Variants in LRP2 observed in about 807,000 individuals in gnomAD.
LRP2 encodes low-density lipoprotein receptor-related protein 2.
LRP2 carries 172 observed loss-of-function variants against 531.0 expected under a neutral mutation model. The observed-to-expected ratio is 0.32, with a 90% CI of 0.29 to 0.37. The LOEUF (loss-of-function observed/expected upper bound fraction) is 0.37. Among genes scored for constraint, LRP2 ranks in the 10% least tolerant of loss-of-function variants. LRP2 has a pLI of 1.00. For missense variants in LRP2, 5,167 were observed against 5,868.3 expected, an observed-to-expected ratio of 0.88 and a Z score of 3.90; for synonymous variants, 1,992 against 2,027.6, an observed-to-expected ratio of 0.98 and a Z score of 0.47.
chr2:169,271,650 C>T lies in LRP2; in HGVS notation c.2117-543G>A, dbSNP rs1011587861. The T allele has an allele frequency of 7.9e-5, 32 of 406,098 alleles. 1 individual carries two copies. In the South Asian group the frequency reaches 3.1e-3, roughly 40 times the overall value. 25.2% of individuals were successfully genotyped at this position (406,098 alleles called of 1,614,324 possible). On this transcript the variant is annotated intron_variant, in intron 15 of 78. Coordinates refer to ENST00000649046, the MANE Select transcript of LRP2 (RefSeq NM_004525.3). Reference sequence around the variant, plus strand: ...ACACACACACACACACACACACACACACACAGAAACCTTTCTCACCTGTGC... The same window carrying T: ...ACACACACACACACACACACACACATACACAGAAACCTTTCTCACCTGTGC...
intron 9 of LRP2, among the ~76,000 whole-genome samples, chr2:169,285,259 G>T (rs977985184): frequency 5.3e-5 from 8 of 151,596 alleles, no homozygotes; most frequent in Admixed American, 2.6e-4. Context: ...TAATGCCACT[G>T]CACTCCAGCC....
intron 33 of LRP2, among the ~76,000 whole-genome samples, chr2:169,222,804 T>A (rs1689066045): frequency 6.6e-6 from 1 of 152,208 alleles, no homozygotes; most frequent in South Asian, 2.1e-4. Flanking sequence ...CTCAGGCCAC[T>A]GCAGGTAACT....
chr2:169,303,746 A>G (rs1249739063), intron 4 of LRP2, among the ~76,000 whole-genome samples: 1 of 152,104 alleles, frequency 6.6e-6, no homozygotes, highest in Non-Finnish European at 1.5e-5. Context: ...AGAGGGAAAT[A>G]GGAAAGAATG....
intron 61 of LRP2, among the ~76,000 whole-genome samples, chr2:169,168,196 G>A (rs1034525601): frequency 1.3e-5 from 2 of 151,348 alleles, no homozygotes; most frequent in African/African-American, 4.9e-5. Flanking sequence ...ACCCAAAGTA[G>A]GATACAGCAG....
intron 1 of LRP2, among the ~76,000 whole-genome samples, chr2:169,347,912 C>T (rs1330011404): frequency 6.6e-6 from 1 of 152,138 alleles, no homozygotes; most frequent in African/African-American, 2.4e-5. Context: ...GAAATGAGGT[C>T]ATCTGATCAT....
At chr2:169,176,052 C>T (rs1013912037) in intron 54 of LRP2, among the ~76,000 whole-genome samples, 5 of 152,082 alleles carry the variant, frequency 3.3e-5, no homozygotes, top group Admixed American at 2.0e-4. Context: ...GGAGCTAGGC[C>T]GGCATAGACA....
At chr2:169,202,578 C>A (rs1310316538) in intron 43 of LRP2, among the ~76,000 whole-genome samples, 178 bp downstream of exon 43, 1 of 152,192 alleles carries the variant, frequency 6.6e-6, no homozygotes, top group African/African-American at 2.4e-5. Context: ...GTGCTCTTAA[C>A]CACTACAGAG....
intron 35 of LRP2, among the ~76,000 whole-genome samples, chr2:169,214,083 A>G (rs1688693853): frequency 6.6e-6 from 1 of 152,152 alleles, no homozygotes; most frequent in African/African-American, 2.4e-5. Context: ...TTGATAATGA[A>G]GACGGAGCTC....
intron 33 of LRP2, 79 bp downstream of exon 33, chr2:169,225,231 C>T (rs920251671): frequency 2.4e-5 from 35 of 1,445,146 alleles, no homozygotes; most frequent in South Asian, 4.6e-5. Context: ...CCAAAATCCA[C>T]GTGAGATCTA....
At chr2:169,289,619 T>C (rs1046165571) in intron 8 of LRP2, among the ~76,000 whole-genome samples, 1 of 151,906 alleles carries the variant, frequency 6.6e-6, no homozygotes, top group Admixed American at 6.6e-5. Context: ...CAAGTATAAG[T>C]CATTAAAAGT....
chr2:169,336,935 G>A (rs144153699), intron 1 of LRP2, among the ~76,000 whole-genome samples: 86 of 152,264 alleles, frequency 5.6e-4, no homozygotes, highest in African/African-American at 1.9e-3. Context: ...AAAGTTTGGT[G>A]GGTAAGGTTA....
intron 25 of LRP2, among the ~76,000 whole-genome samples, chr2:169,240,558 G>A (rs914206284): frequency 1.3e-5 from 2 of 152,134 alleles, no homozygotes; most frequent in Non-Finnish European, 2.9e-5. Flanking sequence ...AGAAAGAAAT[G>A]ACAGTAATTA....
chr2:169,339,123 T>G (rs867224891), intron 1 of LRP2, among the ~76,000 whole-genome samples: 1 of 151,906 alleles, frequency 6.6e-6, no homozygotes, highest in South Asian at 2.1e-4. Flanking sequence ...TTTTTGCTTC[T>G]TATATATTTG....
chr2:169,188,325 C>A (rs943665961), intron 48 of LRP2, 60 bp from the exon 49 acceptor site: 38 of 1,549,372 alleles, frequency 2.5e-5, no homozygotes, highest in Non-Finnish European at 3.4e-5. Flanking sequence ...CAACTATTAC[C>A]CACTTGGGGT....
chr2:169,318,669 T>C, intron 3 of LRP2, 93 bp downstream of exon 3: 1 of 1,561,282 alleles, frequency 6.4e-7, no homozygotes, highest in Non-Finnish European at 8.8e-7. Flanking sequence ...TCCACATTTA[T>C]AAAGAATCAT....
intron 65 of LRP2, among the ~76,000 whole-genome samples, chr2:169,155,614 G>A (rs777761716): frequency 8.5e-5 from 13 of 152,114 alleles, no homozygotes; most frequent in Non-Finnish European, 1.6e-4. Context: ...CTCTTAACTA[G>A]GATATGATGA....
intron 31 of LRP2, among the ~76,000 whole-genome samples, chr2:169,231,414 T>C (rs182439231): frequency 6.6e-6 from 1 of 152,152 alleles, no homozygotes; most frequent in Non-Finnish European, 1.5e-5. Flanking sequence ...GGTGAAGAAT[T>C]TGGAACTTCC....
At chr2:169,205,691 TAAAA>T in intron 40 of LRP2, 54 bp from the exon 41 acceptor site, 1 of 1,221,044 alleles carries the variant, frequency 8.2e-7, no homozygotes, top group Non-Finnish European at 1.2e-6. Flanking sequence ...CATAGTCCTT[TAAAA>T]AAAAAAAAAA....
At chr2:169,338,993 T>C (rs1685493655) in intron 1 of LRP2, among the ~76,000 whole-genome samples, 2 of 152,194 alleles carry the variant, frequency 1.3e-5, no homozygotes, top group African/African-American at 2.4e-5. Flanking sequence ...GTGAGGATTA[T>C]GGGTCTGGCA....
Sources: allele counts gnomAD v4.1 joint callset (sites outside exome capture counted in the v4.1 genomes callset), GRCh38; gene constraint gnomAD v4.1.1; transcripts MANE v1.5; gene names NCBI Gene and HGNC (gene_info 2026-07-23, HGNC 2026-07-21).